KLHL4: variants seen among roughly 807,000 people sequenced by gnomAD.
KLHL4 encodes kelch-like protein 4.
KLHL4 carries 17 observed loss-of-function variants against 45.8 expected under a neutral mutation model. The ratio of observed to expected loss-of-function variants is 0.37; its 90% CI spans 0.25 to 0.56. The LOEUF (loss-of-function observed/expected upper bound fraction) is 0.56. Ranked by LOEUF, KLHL4 falls within the 20% of genes least tolerant of loss-of-function variation. KLHL4 has a pLI of 0.79. For missense variants in KLHL4, 544 were observed against 544.9 expected, an observed-to-expected ratio of 1.00 and a Z score of 0.02; for synonymous variants, 224 against 189.9, an observed-to-expected ratio of 1.18 and a Z score of -1.47.
At position 87,633,831 on chromosome X, in the gene KLHL4, C is replaced by A; in HGVS notation, c.1632C>A (p.Asp544Glu). ...WSYLNTVERW[D>E]PEGRQWNYVA... is the part of the protein sequence containing the mutation. ...ATCTAAATACTGTAGAAAGATGGGA[C>A]CCTGAGGGACGACAGTGGAATTACG... Residue 544 changes from aspartate to glutamate, a missense_variant, in exon 8 of 11, where the codon GAC (aspartate) becomes GAA (glutamate). Physicochemically the swap from Asp to Glu is conservative, Grantham distance 45 (BLOSUM62 2). Transcript: ENST00000373119. 1.7e-6 allele frequency: 2 copies of A among 1,206,975 alleles called. No individual in the cohort carries two copies. The highest frequency in any genetic ancestry group is 2.2e-6 in the Non-Finnish European group (2 of 892,096).
chrX:87,525,185 A>G (rs1300151664), intron 1 of KLHL4, among the ~76,000 whole-genome samples: 1 of 112,079 alleles, frequency 8.9e-6, no homozygotes, highest in Non-Finnish European at 1.9e-5. Context: ...GTGTATATCA[A>G]TTTTAAGGCT....
At chrX:87,594,975 G>T (rs1210288300) in intron 1 of KLHL4, among the ~76,000 whole-genome samples, 2 of 109,343 alleles carry the variant, frequency 1.8e-5, no homozygotes, top group African/African-American at 6.6e-5. Flanking sequence ...GTTCCAGGGG[G>T]TAGTAAAAGG....
intron 9 of KLHL4, among the ~76,000 whole-genome samples, chrX:87,659,741 T>A: frequency 8.9e-6 from 1 of 111,752 alleles, no homozygotes; most frequent in Non-Finnish European, 1.9e-5. Flanking sequence ...TGTTTTTATT[T>A]TTTTCTGTTT....
rs780761859 is a variant in KLHL4 at position 87,622,562 on chromosome X, CAT to C, written c.1137+142_1137+143del. On this transcript the variant is annotated intron_variant, in intron 5 of 10. Coordinates refer to ENST00000373119, the MANE Select transcript of KLHL4 (RefSeq NM_019117.5). Reference sequence around the variant, plus strand: ...GTACAAGATTCGTTTCACAGAAGAACATATTCAGCCATCAATTAGAGGCATTA... The same window carrying C: ...GTACAAGATTCGTTTCACAGAAGAACATTCAGCCATCAATTAGAGGCATTA... 2.4e-4 allele frequency: 92 copies of C among 390,457 alleles called. No individual in the cohort carries two copies. In the East Asian group the frequency reaches 3.3e-3, roughly 14 times the overall value. 32.2% of individuals were successfully genotyped at this position (390,457 alleles called of 1,213,427 possible).
chrX:87,623,288 C>CTTTTTTTTTTT lies in KLHL4; in HGVS notation c.1137+879_1137+889dup, dbSNP rs67869297. Among the ~76,000 whole-genome samples the CTTTTTTTTTTT allele has an allele frequency of 8.8e-4, 44 of 50,201 alleles. 3 individuals are homozygous for CTTTTTTTTTTT. Among genetic ancestry groups the CTTTTTTTTTTT allele is most frequent in the African/African-American group, 1.7e-3 (20 of 11,656 alleles). The allele number at this position is 50,201 out of a possible 115,157, so 43.6% of individuals were successfully genotyped here. A position where few individuals can be genotyped will look rare whatever the true frequency, so the allele number is the denominator to read the frequency against. On this transcript the variant is annotated intron_variant, in intron 5 of 10. Coordinates refer to ENST00000373119, the MANE Select transcript of KLHL4 (RefSeq NM_019117.5). ...ATCTGTTGATGATTTTTCCTTTTTT[C>CTTTTTTTTTTT]TTTTTTTTTTTTTTTTTTTTTTTTG... is the stretch of plus-strand genomic sequence containing the variant.
intron 1 of KLHL4, among the ~76,000 whole-genome samples, chrX:87,598,095 T>G (rs778210814): frequency 2.4e-4 from 27 of 110,810 alleles, no homozygotes; most frequent in African/African-American, 8.8e-4. Flanking sequence ...AAACATATTG[T>G]GTTAAATTCA....
At chrX:87,665,336 G>A (rs996321252) in intron 10 of KLHL4, among the ~76,000 whole-genome samples, 12 of 111,613 alleles carry the variant, frequency 1.1e-4, no homozygotes, top group African/African-American at 2.6e-4. Flanking sequence ...ATCTTCTTCC[G>A]CAAATATCTG....
intron 1 of KLHL4, among the ~76,000 whole-genome samples, chrX:87,523,525 TC>T (rs1350978750): frequency 1.8e-5 from 2 of 111,343 alleles, no homozygotes; most frequent in Non-Finnish European, 3.8e-5. Flanking sequence ...TGTAGGTGTG[TC>T]AAAGGGACAC....
At chrX:87,638,167 A>G (rs1010613229) in intron 9 of KLHL4, among the ~76,000 whole-genome samples, 2 of 111,285 alleles carry the variant, frequency 1.8e-5, no homozygotes, top group Non-Finnish European at 3.8e-5. Context: ...TTTTAAAAAA[A>G]TGAACAAAGC....
intron 9 of KLHL4, among the ~76,000 whole-genome samples, chrX:87,653,364 C>A (rs748875266): frequency 2.7e-5 from 3 of 111,479 alleles, no homozygotes; most frequent in African/African-American, 6.5e-5. Context: ...ATGAGACCAA[C>A]AAACATGAAA....
At chrX:87,533,306 A>G (rs1437537166) in intron 1 of KLHL4, among the ~76,000 whole-genome samples, 2 of 99,071 alleles carry the variant, frequency 2.0e-5, no homozygotes, top group East Asian at 3.2e-4. Flanking sequence ...AACCAACCCA[A>G]ATGTCCAACA....
At chrX:87,549,397 T>TTTAATCTGTA in intron 1 of KLHL4, among the ~76,000 whole-genome samples, 1 of 111,530 alleles carries the variant, frequency 9.0e-6, no homozygotes. Flanking sequence ...AAACATTAGA[T>TTTAATCTGTA]TTAATCTGTA....
At chrX:87,641,847 C>T (rs1037123419) in intron 9 of KLHL4, among the ~76,000 whole-genome samples, 9 of 110,487 alleles carry the variant, frequency 8.1e-5, no homozygotes, top group African/African-American at 2.3e-4. Context: ...TCCGGTGACC[C>T]GGGAATCTCA....
intron 1 of KLHL4, among the ~76,000 whole-genome samples, chrX:87,523,890 G>C (rs760185779): frequency 2.7e-5 from 3 of 111,243 alleles, no homozygotes; most frequent in South Asian, 7.5e-4. Context: ...TTGAACGCAG[G>C]AGGCAGAGGT....
chrX:87,612,615 C>T (rs760136380), intron 1 of KLHL4, among the ~76,000 whole-genome samples: 7 of 111,635 alleles, frequency 6.3e-5, no homozygotes, highest in Admixed American at 2.9e-4. Context: ...TAATAATTTT[C>T]GTGATTTACA....
intron 1 of KLHL4, among the ~76,000 whole-genome samples, chrX:87,524,389 CAATT>C (rs1413547003): frequency 8.9e-6 from 1 of 111,744 alleles, no homozygotes; most frequent in African/African-American, 3.3e-5. Context: ...TATTAACTGT[CAATT>C]AAACATTTTA....
intron 1 of KLHL4, among the ~76,000 whole-genome samples, chrX:87,580,645 TAAA>T (rs1318641414): frequency 9.0e-6 from 1 of 111,713 alleles, no homozygotes; most frequent in Non-Finnish European, 1.9e-5. Context: ...TTTATAATAA[TAAA>T]ATATCAATTT....
intron 9 of KLHL4, among the ~76,000 whole-genome samples, chrX:87,653,765 G>A (rs1348046512): frequency 8.9e-6 from 1 of 111,768 alleles, no homozygotes; most frequent in Non-Finnish European, 1.9e-5. Context: ...TAAAGAAAAT[G>A]TGGTACATAT....
chrX:87,546,023 T>C (rs144962972), intron 1 of KLHL4, among the ~76,000 whole-genome samples: 3,769 of 111,222 alleles, frequency 0.034, 180 homozygotes, highest in African/African-American at 0.12. Context: ...TTTGGAAAAT[T>C]TGCAGGCTGG....
Sources: gnomAD v4.1 joint callset for allele counts (sites outside exome capture counted in the v4.1 genomes callset) on GRCh38, gnomAD v4.1.1 for gene constraint, MANE v1.5 for transcripts, NCBI Gene and HGNC (gene_info 2026-07-23, HGNC 2026-07-21) for gene names.